Variants in MSI2 observed in about 807,000 individuals in gnomAD.
The protein encoded by MSI2 is RNA-binding protein Musashi homolog 2.
A neutral mutation model predicts 45.6 loss-of-function variants in MSI2; 17 were observed. The ratio of observed to expected loss-of-function variants is 0.37; its 90% confidence interval spans 0.26 to 0.56. The LOEUF is 0.56. Among genes scored for constraint, MSI2 ranks in the 20% least tolerant of loss-of-function variants. The pLI is 0.77. For missense variants in MSI2, 293 were observed against 444.2 expected (o/e 0.66, Z 3.06); for synonymous variants, 156 against 158.2 (o/e 0.99, Z 0.11).
At chr17:57,421,900 A>T (rs1245457997) in intron 6 of MSI2, among the ~76,000 whole-genome samples, 1 of 151,822 alleles carries the variant, frequency 6.6e-6, no homozygotes, top group Non-Finnish European at 1.5e-5. Flanking sequence ...TAGAAATCAC[A>T]CCTTGGTGAA....
rs570725750 is a variant in MSI2 at position 57,338,568 on chromosome 17, T to C, written c.313-62811T>C. ...CCCACGCAGACTTGTTGCATCCCAG[T>C]TGCTTGGGGACCCTGAAGGCTGCAT... On this transcript the variant is annotated intron_variant, in intron 5 of 13. Coordinates refer to ENST00000284073, the MANE Select transcript of MSI2 (RefSeq NM_138962.4). Among the ~76,000 whole-genome samples the C allele has an allele frequency of 5.9e-5, 9 of 152,302 alleles. No individual in the cohort carries two copies. The East Asian group carries it at 1.7e-3, about 29-fold the overall frequency.
chr17:57,271,676 C>T (rs1908385217), intron 5 of MSI2, among the ~76,000 whole-genome samples: 1 of 149,426 alleles, frequency 6.7e-6, no homozygotes, highest in African/African-American at 2.5e-5. Flanking sequence ...TTCAGGGCTT[C>T]ATCCATACCC....
At chr17:57,357,585 C>T (rs1916523906) in intron 5 of MSI2, among the ~76,000 whole-genome samples, 1 of 152,172 alleles carries the variant, frequency 6.6e-6, no homozygotes, top group Non-Finnish European at 1.5e-5. Flanking sequence ...GCCGCTGCTG[C>T]TTACTTATTA....
At chr17:57,631,666 C>A in intron 10 of MSI2, 1 of 848,254 alleles carries the variant, frequency 1.2e-6, no homozygotes, top group Non-Finnish European at 1.9e-6. Context: ...GAATTTGGAT[C>A]AGGATCCCGT....
chr17:57,433,369 C>T (rs1474971568), intron 6 of MSI2, among the ~76,000 whole-genome samples: 2 of 152,050 alleles, frequency 1.3e-5, no homozygotes, highest in African/African-American at 4.8e-5. Context: ...TGAAGTCGAA[C>T]CCAGGACACA....
chr17:57,670,574 C>A (rs1011551960), intron 11 of MSI2, among the ~76,000 whole-genome samples: 2 of 152,166 alleles, frequency 1.3e-5, no homozygotes, highest in Non-Finnish European at 2.9e-5. Flanking sequence ...GAAATACCAC[C>A]AACTTTCATT....
intron 5 of MSI2, among the ~76,000 whole-genome samples, chr17:57,327,481 A>G (rs144154103): frequency 1.6e-3 from 249 of 152,288 alleles, no homozygotes; most frequent in Middle Eastern, 0.01. Context: ...TTGGTTGGCT[A>G]TCTTCTTCCA....
At chr17:57,672,724 G>A (rs1210958939) in intron 11 of MSI2, among the ~76,000 whole-genome samples, 1 of 152,200 alleles carries the variant, frequency 6.6e-6, no homozygotes, top group Admixed American at 6.5e-5. Flanking sequence ...GTATAGGGAG[G>A]GGTTTCAGCT....
intron 7 of MSI2, among the ~76,000 whole-genome samples, chr17:57,547,990 A>G (rs768434787): frequency 6.6e-6 from 1 of 152,172 alleles, no homozygotes; most frequent in African/African-American, 2.4e-5. Context: ...GTTGCAGTTC[A>G]TCCAGAGTGT....
chr17:57,667,090 CT>C (rs147000639), intron 11 of MSI2, among the ~76,000 whole-genome samples: 181 of 152,302 alleles, frequency 1.2e-3, no homozygotes, highest in African/African-American at 4.2e-3. Flanking sequence ...ACCTCTCTGC[CT>C]TTTCTCTGCT....
intron 6 of MSI2, among the ~76,000 whole-genome samples, chr17:57,471,277 C>CTTT (rs529448901): frequency 1.9e-4 from 16 of 83,708 alleles, no homozygotes; most frequent in African/African-American, 5.6e-4. Context: ...TTATGGAGCA[C>CTTT]TTTTTTTTTT....
At chr17:57,260,456 C>T (rs1907204301) in intron 4 of MSI2, among the ~76,000 whole-genome samples, 1 of 152,112 alleles carries the variant, frequency 6.6e-6, no homozygotes, top group Non-Finnish European at 1.5e-5. Context: ...ACCTGTTACC[C>T]CATAAACAAG....
chr17:57,272,020 T>A (rs1355863625), intron 5 of MSI2, among the ~76,000 whole-genome samples: 6 of 151,816 alleles, frequency 4.0e-5, no homozygotes, highest in Admixed American at 2.6e-4. Context: ...TGATGCTGAG[T>A]GACATTAATG....
intron 11 of MSI2, among the ~76,000 whole-genome samples, chr17:57,661,350 G>C (rs1225932814): frequency 6.6e-6 from 1 of 152,218 alleles, no homozygotes; most frequent in Non-Finnish European, 1.5e-5. Context: ...ACAGGGCCTG[G>C]AGAATTTGGA....
chr17:57,554,408 A>T (rs955905357), intron 7 of MSI2, among the ~76,000 whole-genome samples: 1 of 152,168 alleles, frequency 6.6e-6, no homozygotes, highest in Non-Finnish European at 1.5e-5. Flanking sequence ...ATCTGCCGCC[A>T]GTTGCTCCAG....
chr17:57,485,760 G>A (rs556066042), intron 6 of MSI2, among the ~76,000 whole-genome samples: 2 of 152,198 alleles, frequency 1.3e-5, no homozygotes, highest in African/African-American at 4.8e-5. Context: ...TTTGAGAAAA[G>A]TTGCCATAAA....
At chr17:57,305,977 T>G (rs893118508) in intron 5 of MSI2, among the ~76,000 whole-genome samples, 2 of 152,220 alleles carry the variant, frequency 1.3e-5, no homozygotes, top group African/African-American at 4.8e-5. Flanking sequence ...GATATACTGA[T>G]TCATTCAACA....
chr17:57,639,574 G>A (rs1215205636), intron 10 of MSI2, among the ~76,000 whole-genome samples: 1 of 152,230 alleles, frequency 6.6e-6, no homozygotes, highest in Non-Finnish European at 1.5e-5. Flanking sequence ...AGTGGGCTCT[G>A]GATGCCAGCT....
At chr17:57,451,270 C>T (rs866927885) in intron 6 of MSI2, among the ~76,000 whole-genome samples, 2 of 151,922 alleles carry the variant, frequency 1.3e-5, no homozygotes, top group African/African-American at 2.4e-5. Flanking sequence ...AATTGTGTGA[C>T]GATGTGGGTG....
Sources: gnomAD v4.1 joint callset for allele counts (sites outside exome capture counted in the v4.1 genomes callset) on GRCh38, gnomAD v4.1.1 for gene constraint, MANE v1.5 for transcripts, NCBI Gene and HGNC (gene_info 2026-07-23, HGNC 2026-07-21) for gene names.